The following KCNQ3 variants were observed in gnomAD, a reference collection of about 807,000 sequenced individuals.
KCNQ3 encodes potassium voltage-gated channel subfamily Q member 3, also known as potassium voltage-gated channel subfamily KQT member 3.
In KCNQ3, 30 loss-of-function variants were observed where a neutral mutation model predicts 92.5. That is an observed-to-expected ratio of 0.32 (90% confidence interval 0.24 to 0.44). KCNQ3 has a LOEUF of 0.44. Among genes scored for constraint, KCNQ3 ranks in the 20% least tolerant of loss-of-function variants. KCNQ3 has a pLI of 1.00. For missense variants in KCNQ3, 913 were observed against 1,140.3 expected (o/e 0.80, Z 2.87); for synonymous variants, 450 against 468.8 (o/e 0.96, Z 0.52).
chr8:132,263,064 C>T (rs1418575446), intron 1 of KCNQ3, among the ~76,000 whole-genome samples: 1 of 152,154 alleles, frequency 6.6e-6, no homozygotes, highest in Non-Finnish European at 1.5e-5. Flanking sequence ...GACCCGAAAG[C>T]CAAAACTCCC....
At chr8:132,240,427 C>T (rs992041987) in intron 1 of KCNQ3, among the ~76,000 whole-genome samples, 1 of 152,150 alleles carries the variant, frequency 6.6e-6, no homozygotes, top group African/African-American at 2.4e-5. Flanking sequence ...CTCAGGTGAT[C>T]CACCTGCCTC....
intron 1 of KCNQ3, among the ~76,000 whole-genome samples, chr8:132,298,380 A>G (rs952274523): frequency 1.3e-5 from 2 of 152,008 alleles, no homozygotes; most frequent in Non-Finnish European, 2.9e-5. Context: ...CTAACTGGAG[A>G]AGGTAGGGTG....
intron 1 of KCNQ3, among the ~76,000 whole-genome samples, chr8:132,443,699 CATTTTGTT>C (rs1821598339): frequency 6.6e-6 from 1 of 151,992 alleles, no homozygotes; most frequent in Non-Finnish European, 1.5e-5. Context: ...TTTTTTGTTG[CATTTTGTT>C]TCATTTTCTT....
At chr8:132,343,583 G>C (rs7813775) in intron 1 of KCNQ3, among the ~76,000 whole-genome samples, 36,798 of 151,974 alleles carry the variant, frequency 0.24, 4,845 homozygotes, top group East Asian at 0.42. Context: ...AGGCCATCTG[G>C]GCTGAGGCAT....
intron 1 of KCNQ3, among the ~76,000 whole-genome samples, chr8:132,277,758 C>T (rs1654854859): frequency 1.3e-5 from 2 of 152,128 alleles, no homozygotes; most frequent in South Asian, 4.1e-4. Flanking sequence ...AGAAACCCCA[C>T]CCTGCCCTAG....
chr8:132,324,492 C>A (rs1169043995), intron 1 of KCNQ3, among the ~76,000 whole-genome samples: 1 of 152,198 alleles, frequency 6.6e-6, no homozygotes, highest in Non-Finnish European at 1.5e-5. Context: ...TAAGAAAACT[C>A]TTTCCACTCT....
chr8:132,453,258 A>G (rs1821862983), intron 1 of KCNQ3, among the ~76,000 whole-genome samples: 1 of 152,138 alleles, frequency 6.6e-6, no homozygotes, highest in Non-Finnish European at 1.5e-5. Flanking sequence ...GACGGCGGGT[A>G]CTAGTCTAAG....
In KCNQ3 at chr8:132,257,498, T is replaced by C. The variant is rs374650845; in HGVS notation, c.387-71317A>G. 4.9e-3 allele frequency among the ~76,000 whole-genome samples: 746 copies of C among 151,902 alleles called. 7 individuals are homozygous for C. Among genetic ancestry groups the C allele is most frequent in the African/African-American group, 0.017 (722 of 41,484 alleles). On this transcript the variant is annotated intron_variant, in intron 1 of 14. Transcript: ENST00000388996. ...CGGTGGCTCATGCCTGTAATCCCAG[T>C]ACTTTGGGAGGCTGAGGCAGGCAGA...
intron 1 of KCNQ3, among the ~76,000 whole-genome samples, chr8:132,382,885 T>C (rs544801978): frequency 1.3e-5 from 2 of 152,324 alleles, no homozygotes; most frequent in South Asian, 4.1e-4. Flanking sequence ...GGCTAAGTTA[T>C]TGACCTTCTG....
chr8:132,384,484 G>A (rs1048407542), intron 1 of KCNQ3, among the ~76,000 whole-genome samples: 3 of 152,192 alleles, frequency 2.0e-5, no homozygotes, highest in Non-Finnish European at 4.4e-5. Context: ...AAAAGAATCA[G>A]AGGGCCCTAA....
intron 1 of KCNQ3, among the ~76,000 whole-genome samples, chr8:132,198,283 G>A (rs750523025): frequency 2.6e-5 from 4 of 152,094 alleles, no homozygotes; most frequent in East Asian, 1.9e-4. Flanking sequence ...TAACTGTAGC[G>A]TTTGTGAGGG....
chr8:132,252,699 C>A (rs1815454269), intron 1 of KCNQ3, among the ~76,000 whole-genome samples: 1 of 152,200 alleles, frequency 6.6e-6, no homozygotes, highest in Non-Finnish European at 1.5e-5. Flanking sequence ...TAGCTACACA[C>A]AGAGTGCTGA....
intron 1 of KCNQ3, among the ~76,000 whole-genome samples, chr8:132,348,984 C>T (rs1050950791): frequency 6.6e-6 from 1 of 152,178 alleles, no homozygotes; most frequent in Non-Finnish European, 1.5e-5. Context: ...TTAATATTCA[C>T]CAAAATAATC....
intron 1 of KCNQ3, among the ~76,000 whole-genome samples, chr8:132,290,239 G>A (rs930532445): frequency 1.3e-5 from 2 of 152,196 alleles, no homozygotes; most frequent in Non-Finnish European, 1.5e-5. Flanking sequence ...TATATCTCAT[G>A]TCTTGTATTC....
chr8:132,154,029 C>A (rs61621437), intron 9 of KCNQ3, among the ~76,000 whole-genome samples: 3,332 of 151,756 alleles, frequency 0.022, 132 homozygotes, highest in African/African-American at 0.076. Flanking sequence ...CTCCTGTCCT[C>A]TCTTCATTGA....
chr8:132,378,914 G>A (rs1819675423), intron 1 of KCNQ3, among the ~76,000 whole-genome samples: 1 of 152,206 alleles, frequency 6.6e-6, no homozygotes, highest in Non-Finnish European at 1.5e-5. Context: ...ATATTCAGAA[G>A]AGTAGCAGCC....
intron 1 of KCNQ3, among the ~76,000 whole-genome samples, chr8:132,470,805 TTTTG>T (rs1410248817): frequency 6.6e-6 from 1 of 152,244 alleles, no homozygotes; most frequent in Non-Finnish European, 1.5e-5. Flanking sequence ...CCTCATCTTC[TTTTG>T]TTTATTTGTT....
chr8:132,175,694 C>A, intron 4 of KCNQ3, 86 bp from the exon 5 acceptor site: 2 of 1,259,410 alleles, frequency 1.6e-6, no homozygotes, highest in South Asian at 1.3e-5. Context: ...GAGTTAGAGT[C>A]CAAGTTTACC....
intron 1 of KCNQ3, among the ~76,000 whole-genome samples, chr8:132,323,045 G>A (rs778264493): frequency 5.3e-5 from 8 of 152,168 alleles, no homozygotes; most frequent in Non-Finnish European, 1.0e-4. Context: ...CCAGCTGGAC[G>A]TGCTTCCCTG....
Sources: allele counts gnomAD v4.1 joint callset (sites outside exome capture counted in the v4.1 genomes callset), GRCh38; gene constraint gnomAD v4.1.1; transcripts MANE v1.5; gene names NCBI Gene and HGNC (gene_info 2026-07-23, HGNC 2026-07-21).